Variants in ZNF804B observed in about 807,000 individuals in gnomAD.
The protein encoded by ZNF804B is zinc finger protein 804B, also known as zinc finger 804B.
A neutral mutation model predicts 101.4 loss-of-function variants in ZNF804B; 80 were observed. That is an observed-to-expected ratio of 0.79 (90% CI 0.66 to 0.95). The LOEUF (loss-of-function observed/expected upper bound fraction) is 0.95. ZNF804B is among the 40% of genes least tolerant of loss of function. The probability of loss-of-function intolerance (pLI) is 0.00; values close to 1 mark genes in which losing one functional copy is unlikely to be tolerated. For synonymous variants in ZNF804B, 622 were observed against 558.8 expected (o/e 1.11, Z -1.59); for missense variants, 1,673 against 1,561.9 (o/e 1.07, Z -1.20).
chr7:88,975,099 A>G (rs1793597973), intron 1 of ZNF804B, among the ~76,000 whole-genome samples: 1 of 151,448 alleles, frequency 6.6e-6, no homozygotes, highest in African/African-American at 2.4e-5. Flanking sequence ...TTCGTTGCAG[A>G]TGACAGAATG....
At chr7:89,290,450 T>A (rs769080602) in intron 2 of ZNF804B, among the ~76,000 whole-genome samples, 1 of 152,152 alleles carries the variant, frequency 6.6e-6, no homozygotes, top group South Asian at 2.1e-4. Context: ...TTGATGGCAT[T>A]TTCTGGGCCT....
chr7:88,760,901 A>AATATATATATAATAAAT (rs1286426790), intron 1 of ZNF804B, among the ~76,000 whole-genome samples: 1 of 129,702 alleles, frequency 7.7e-6, no homozygotes, highest in East Asian at 2.5e-4. Context: ...ATATATAATA[A>AATATATATATAATAAAT]ATATATATAT....
At chr7:88,919,214 T>C (rs1426123122) in intron 1 of ZNF804B, among the ~76,000 whole-genome samples, 1 of 152,150 alleles carries the variant, frequency 6.6e-6, no homozygotes, top group Non-Finnish European at 1.5e-5. Flanking sequence ...ATGTAAACCA[T>C]TGATGATGCC....
chr7:88,776,732 T>C (rs4727180), intron 1 of ZNF804B, among the ~76,000 whole-genome samples: 7,437 of 150,780 alleles, frequency 0.049, 366 homozygotes, highest in East Asian at 0.27. Flanking sequence ...TGTTTAAATG[T>C]CTTACTGTCT....
intron 3 of ZNF804B, among the ~76,000 whole-genome samples, chr7:89,331,585 A>C (rs1279746900): frequency 6.6e-6 from 1 of 151,790 alleles, no homozygotes; most frequent in Non-Finnish European, 1.5e-5. Context: ...CTGTAATTCT[A>C]AAATTACAGC....
Position 89,334,264 on chromosome 7 carries a change from G to A in ZNF804B, c.1282G>A (p.Val428Ile). The A allele has an allele frequency of 6.2e-7, 1 of 1,613,716 alleles. No homozygotes were observed. Among genetic ancestry groups the A allele is most frequent in the East Asian group, 2.2e-5 (1 of 44,858 alleles). Residue 428 changes from valine (V) to isoleucine (I), a missense_variant, in exon 4 of 4, where the codon GTA (valine) becomes ATA (isoleucine). Val to Ile is a conservative substitution (Grantham distance 29). Coordinates refer to ENST00000333190, the MANE Select transcript of ZNF804B (RefSeq NM_181646.5). ...AGTTAGCAAAAATGTTCAAAGACTT[G>A]TAAAAGAAGCATGTACCCATAATGT... ...ERVSKNVQRL[V>I]KEACTHNVAS...
At chr7:89,214,709 T>C (rs1044178329) in intron 1 of ZNF804B, among the ~76,000 whole-genome samples, 2 of 152,214 alleles carry the variant, frequency 1.3e-5, no homozygotes, top group African/African-American at 2.4e-5. Context: ...ATTATCACTC[T>C]ATCACAACTT....
rs1016460813 is a variant in ZNF804B, at chr7:89,336,287, A to T, written c.3305A>T (p.Asp1102Val). The T allele has an allele frequency of 2.5e-6, 4 of 1,613,764 alleles. No homozygotes were observed. In the African/African-American group the frequency reaches 5.3e-5, roughly 22 times the overall value. ...QEDQINLDLQ[D>V]VSMHINHVEG... ...GACCAAATAAATCTAGACTTACAGG[A>T]TGTAAGCATGCATATAAATCATGTA... The change falls in exon 4 of 4, where the codon GAT becomes GTT. Residue 1102 changes from aspartate to valine, a missense_variant. Coordinates refer to ENST00000333190, the MANE Select transcript of ZNF804B (RefSeq NM_181646.5).
chr7:89,122,281 TCA>T (rs1790418581), intron 1 of ZNF804B, among the ~76,000 whole-genome samples: 1 of 152,186 alleles, frequency 6.6e-6, no homozygotes, highest in African/African-American at 2.4e-5. Flanking sequence ...TAGCCATGTT[TCA>T]CATGCTACAT....
chr7:88,855,355 T>C (rs1177605482), intron 1 of ZNF804B, among the ~76,000 whole-genome samples: 2 of 149,356 alleles, frequency 1.3e-5, no homozygotes. Flanking sequence ...TGATGGCCAG[T>C]GATGATGAGC....
chr7:88,938,220 A>G (rs1468201059), intron 1 of ZNF804B, among the ~76,000 whole-genome samples: 1 of 152,074 alleles, frequency 6.6e-6, no homozygotes, highest in East Asian at 1.9e-4. Flanking sequence ...GGGAATGTTC[A>G]GGTTAAGATA....
intron 2 of ZNF804B, among the ~76,000 whole-genome samples, chr7:89,281,257 C>T (rs1273760946): frequency 2.6e-5 from 4 of 151,922 alleles, no homozygotes; most frequent in Non-Finnish European, 2.9e-5. Flanking sequence ...TATTTTGGCT[C>T]CCAGGGGAGA....
At chr7:88,869,202 T>C (rs1343012982) in intron 1 of ZNF804B, among the ~76,000 whole-genome samples, 2 of 152,218 alleles carry the variant, frequency 1.3e-5, no homozygotes, top group Non-Finnish European at 2.9e-5. Flanking sequence ...TAAAAAACTT[T>C]TCAGCATAAT....
chr7:88,796,693 T>C (rs879140404), intron 1 of ZNF804B, among the ~76,000 whole-genome samples: 15 of 152,152 alleles, frequency 9.9e-5, no homozygotes, highest in Admixed American at 8.5e-4. Context: ...TCTGCGCTCA[T>C]GATGTGGTTG....
intron 1 of ZNF804B, among the ~76,000 whole-genome samples, chr7:89,197,661 T>G (rs1410942177): frequency 2.0e-5 from 3 of 151,910 alleles, no homozygotes; most frequent in Non-Finnish European, 4.4e-5. Flanking sequence ...CTTGATTCAA[T>G]CTATGTCACT....
At chr7:89,273,609 G>A (rs1324174762) in intron 2 of ZNF804B, among the ~76,000 whole-genome samples, 1 of 151,976 alleles carries the variant, frequency 6.6e-6, no homozygotes, top group Non-Finnish European at 1.5e-5. Context: ...GAAACAAATG[G>A]GACCCAATTC....
intron 2 of ZNF804B, among the ~76,000 whole-genome samples, chr7:89,269,431 T>C (rs191370780): frequency 6.6e-6 from 1 of 152,342 alleles, no homozygotes; most frequent in East Asian, 1.9e-4. Flanking sequence ...CCATGGTGTA[T>C]ATGTGCCACA....
At chr7:89,140,689 C>T (rs1790704049) in intron 1 of ZNF804B, among the ~76,000 whole-genome samples, 1 of 152,072 alleles carries the variant, frequency 6.6e-6, no homozygotes, top group South Asian at 2.1e-4. Flanking sequence ...TGAGTTATGG[C>T]CTTGCTCTAG....
chr7:88,863,775 C>A (rs1488635135), intron 1 of ZNF804B, among the ~76,000 whole-genome samples: 1 of 152,048 alleles, frequency 6.6e-6, no homozygotes, highest in Non-Finnish European at 1.5e-5. Flanking sequence ...GCAGAACTTT[C>A]AAGGAAAGGG....
Sources: allele counts gnomAD v4.1 joint callset (sites outside exome capture counted in the v4.1 genomes callset), GRCh38; gene constraint gnomAD v4.1.1; transcripts MANE v1.5; gene names NCBI Gene and HGNC (gene_info 2026-07-23, HGNC 2026-07-21).